The following PLPPR1 variants were observed in gnomAD, a reference collection of about 807,000 sequenced individuals.
PLPPR1 encodes the protein phospholipid phosphatase related 1.
Under a neutral mutation model 33.1 loss-of-function variants are expected in PLPPR1, and 10 were observed. That is an observed-to-expected ratio of 0.30 (90% CI 0.19 to 0.51). PLPPR1 has a LOEUF of 0.51. Among genes scored for constraint, PLPPR1 ranks in the 20% least tolerant of loss-of-function variants. PLPPR1 has a pLI of 0.97. For missense variants in PLPPR1, 304 were observed against 408.1 expected (o/e 0.74, Z 2.20); for synonymous variants, 151 against 151.0 (o/e 1.00, Z 0.00).
At chr9:101,152,849 T>A (rs1175382715) in intron 1 of PLPPR1, among the ~76,000 whole-genome samples, 2 of 152,218 alleles carry the variant, frequency 1.3e-5, no homozygotes, top group East Asian at 3.8e-4. Context: ...TCCAGCTTTG[T>A]TCTTTTGGCT....
At chr9:101,037,519 A>G (rs556659680) in intron 1 of PLPPR1, among the ~76,000 whole-genome samples, 1 of 152,120 alleles carries the variant, frequency 6.6e-6, no homozygotes, top group Non-Finnish European at 1.5e-5. Flanking sequence ...ATTCAATGAA[A>G]TACATAATCA....
At chr9:101,086,488 C>G (rs868601830) in intron 1 of PLPPR1, among the ~76,000 whole-genome samples, 55 of 152,282 alleles carry the variant, frequency 3.6e-4, no homozygotes, top group African/African-American at 1.3e-3. Context: ...TGTCCCATAG[C>G]CAGGTAGCTG....
chr9:101,061,881 C>A (rs1326962385), intron 1 of PLPPR1, among the ~76,000 whole-genome samples: 1 of 151,838 alleles, frequency 6.6e-6, no homozygotes, highest in Non-Finnish European at 1.5e-5. Flanking sequence ...AAAATCTGAA[C>A]GAAATTTTGG....
intron 1 of PLPPR1, among the ~76,000 whole-genome samples, chr9:101,091,371 C>A (rs1252422139): frequency 6.6e-6 from 1 of 152,124 alleles, no homozygotes; most frequent in East Asian, 1.9e-4. Flanking sequence ...TCACAATGAC[C>A]CTCACTGAGC....
At position 101,254,800 on chromosome 9, in the gene PLPPR1, T is replaced by A. The variant is rs78129294; in HGVS notation, c.64-15080T>A. Among the ~76,000 whole-genome samples the A allele has an allele frequency of 1.2e-3, 190 of 152,300 alleles. 1 individual carries two copies. The highest frequency in any genetic ancestry group is 4.4e-3 in the African/African-American group (184 of 41,570). ...CATAGGCAGTACCTCATTTTACTTA[T>A]TTTCCTGTTCCCTCCAACTTTTTAA... On this transcript the variant is annotated intron_variant, in intron 2 of 7. Coordinates refer to ENST00000374874, the MANE Select transcript of PLPPR1 (RefSeq NM_207299.2).
intron 2 of PLPPR1, among the ~76,000 whole-genome samples, chr9:101,226,954 G>A (rs561485345): frequency 8.1e-4 from 124 of 152,202 alleles, no homozygotes; most frequent in Non-Finnish European, 1.5e-3. Flanking sequence ...TGAGGTAGCG[G>A]AACCTGAAAG....
chr9:101,193,714 A>C (rs1485241043), intron 2 of PLPPR1, among the ~76,000 whole-genome samples: 1 of 152,230 alleles, frequency 6.6e-6, no homozygotes, highest in Non-Finnish European at 1.5e-5. Flanking sequence ...GACCCTATGC[A>C]ATAGAAATTC....
intron 1 of PLPPR1, among the ~76,000 whole-genome samples, chr9:101,124,149 G>T (rs565715461): frequency 6.6e-6 from 1 of 152,228 alleles, no homozygotes; most frequent in East Asian, 1.9e-4. Context: ...TTTAATTGCC[G>T]GTTGGTGATC....
intron 3 of PLPPR1, among the ~76,000 whole-genome samples, chr9:101,280,777 C>A (rs1416613882): frequency 6.6e-6 from 1 of 151,956 alleles, no homozygotes; most frequent in Non-Finnish European, 1.5e-5. Flanking sequence ...TACCTCAACA[C>A]AATAAATGCC....
chr9:101,318,794 A>G (rs1044130610), intron 7 of PLPPR1, among the ~76,000 whole-genome samples: 1 of 152,024 alleles, frequency 6.6e-6, no homozygotes, highest in Non-Finnish European at 1.5e-5. Flanking sequence ...AAAAACAAAC[A>G]AACAAAAAAA....
At chr9:101,071,362 T>A (rs1010795246) in intron 1 of PLPPR1, among the ~76,000 whole-genome samples, 1 of 152,108 alleles carries the variant, frequency 6.6e-6, no homozygotes, top group East Asian at 1.9e-4. Context: ...TATTAAAAAT[T>A]GCAGACTGAT....
intron 7 of PLPPR1, among the ~76,000 whole-genome samples, chr9:101,320,048 T>G (rs2118971461): frequency 6.6e-6 from 1 of 152,316 alleles, no homozygotes; most frequent in East Asian, 1.9e-4. Flanking sequence ...GACTCTATTT[T>G]GAGGGATTCT....
intron 3 of PLPPR1, among the ~76,000 whole-genome samples, chr9:101,282,805 C>G (rs1828327279): frequency 6.6e-6 from 1 of 151,820 alleles, no homozygotes; most frequent in Admixed American, 6.6e-5. Context: ...ATAATAGCTA[C>G]AAAAAATACT....
chr9:101,100,075 C>T (rs141810899), intron 1 of PLPPR1, among the ~76,000 whole-genome samples: 43 of 152,108 alleles, frequency 2.8e-4, no homozygotes, highest in Non-Finnish European at 5.9e-4. Flanking sequence ...CAGAGGGGCT[C>T]ATCATTTCCT....
chr9:101,052,452 A>G (rs1830233051), intron 1 of PLPPR1, among the ~76,000 whole-genome samples: 2 of 152,202 alleles, frequency 1.3e-5, no homozygotes, highest in African/African-American at 4.8e-5. Flanking sequence ...ACAGCAAGGA[A>G]CAATCTATAA....
At chr9:101,283,583 T>C (rs1002492630) in intron 3 of PLPPR1, among the ~76,000 whole-genome samples, 1 of 152,158 alleles carries the variant, frequency 6.6e-6, no homozygotes, top group African/African-American at 2.4e-5. Context: ...CTTCATGACA[T>C]ATGTCTGGGC....
intron 1 of PLPPR1, among the ~76,000 whole-genome samples, chr9:101,130,573 A>G (rs1418500364): frequency 1.3e-5 from 2 of 152,214 alleles, no homozygotes; most frequent in Admixed American, 6.5e-5. Context: ...GACTGGCACA[A>G]ATTTACTGAG....
Position 101,294,607 on chromosome 9 carries a change from A to G in PLPPR1, c.385+8371A>G, listed in dbSNP as rs534372350. 1.1e-3 allele frequency among the ~76,000 whole-genome samples: 169 copies of G among 152,240 alleles called. 2 individuals carry two copies. Among genetic ancestry groups the G allele is most frequent in the Non-Finnish European group, 1.3e-4 (9 of 68,006 alleles). Reference sequence around the variant, plus strand: ...CACATCAAAAAGCTTATCCACCATGATCAAGTGGGCTTCATCCCTGGGATG... The same window carrying G: ...CACATCAAAAAGCTTATCCACCATGGTCAAGTGGGCTTCATCCCTGGGATG... On this transcript the variant is annotated intron_variant, in intron 4 of 7. Coordinates refer to ENST00000374874, the MANE Select transcript of PLPPR1 (RefSeq NM_207299.2).
intron 1 of PLPPR1, among the ~76,000 whole-genome samples, chr9:101,098,592 G>A (rs1830852324): frequency 6.6e-6 from 1 of 152,128 alleles, no homozygotes; most frequent in African/African-American, 2.4e-5. Context: ...CATGTGAATG[G>A]TGGGTAAAAG....
Sources: gnomAD v4.1 joint callset for allele counts (sites outside exome capture counted in the v4.1 genomes callset) on GRCh38, gnomAD v4.1.1 for gene constraint, MANE v1.5 for transcripts, NCBI Gene and HGNC (gene_info 2026-07-23, HGNC 2026-07-21) for gene names.